The following TNNI3K variants were observed in gnomAD, a reference collection of about 807,000 sequenced individuals.
The protein encoded by TNNI3K is serine/threonine-protein kinase TNNI3K.
In TNNI3K, 140 loss-of-function variants were observed where a neutral mutation model predicts 114.5. The observed-to-expected ratio is 1.22, with a 90% CI of 1.07 to 1.41. The LOEUF is 1.41. Among genes scored for constraint, TNNI3K ranks in the 40% most tolerant of loss-of-function variants. The pLI is 0.00. For missense variants in TNNI3K, 1,125 were observed against 1,007.6 expected (o/e 1.12, Z -1.58); for synonymous variants, 347 against 347.5 (o/e 1.00, Z 0.02).
chr1:74,456,884 G>A (rs1245434278), intron 20 of TNNI3K, among the ~76,000 whole-genome samples: 2 of 152,052 alleles, frequency 1.3e-5, no homozygotes, highest in Non-Finnish European at 2.9e-5. Flanking sequence ...ACTTTTTTAT[G>A]TCACATATGG....
chr1:74,400,837 A>G (rs1232352609), intron 17 of TNNI3K, among the ~76,000 whole-genome samples: 2 of 152,188 alleles, frequency 1.3e-5, no homozygotes, highest in South Asian at 2.1e-4. Flanking sequence ...AGGAACCTCC[A>G]TGAGCTACTA....
At chr1:74,387,559 G>C (rs1663550930) in intron 17 of TNNI3K, among the ~76,000 whole-genome samples, 1 of 152,116 alleles carries the variant, frequency 6.6e-6, no homozygotes, top group Non-Finnish European at 1.5e-5. Flanking sequence ...AAAGCTTTCG[G>C]TATCATTTCT....
chr1:74,353,039 C>G, intron 9 of TNNI3K, among the ~76,000 whole-genome samples: 1 of 152,178 alleles, frequency 6.6e-6, no homozygotes, highest in Non-Finnish European at 1.5e-5. Context: ...CCATCTTCTG[C>G]ATTGCTCATG....
At chr1:74,288,260 C>A (rs757696116) in intron 5 of TNNI3K, among the ~76,000 whole-genome samples, 1 of 152,044 alleles carries the variant, frequency 6.6e-6, no homozygotes. Context: ...TATCTGCATT[C>A]CCATTTTTTA....
rs1002322570 is a variant in TNNI3K at position 74,480,083 on chromosome 1, T to A, written c.2122-9106T>A. ...GGCAACCAAGTGTCTGAGATAAGCA[T>A]CACTTAGCATGCTGCAAAAATATGG... On this transcript the variant is annotated intron_variant, in intron 21 of 24. Transcript: ENST00000326637. The A allele has an allele frequency of 7.8e-6, 5 of 639,880 alleles. No homozygotes were observed. In the South Asian group the frequency reaches 9.3e-5, roughly 12 times the overall value. 39.6% of individuals were successfully genotyped at this position (639,880 alleles called of 1,614,324 possible).
At chr1:74,259,327 C>G (rs1449126996) in intron 4 of TNNI3K, among the ~76,000 whole-genome samples, 1 of 152,126 alleles carries the variant, frequency 6.6e-6, no homozygotes, top group Non-Finnish European at 1.5e-5. Flanking sequence ...TCTAAAGGCC[C>G]AAGAACGAGG....
chr1:74,487,239 G>A (rs189065923), intron 21 of TNNI3K, among the ~76,000 whole-genome samples: 3 of 152,248 alleles, frequency 2.0e-5, no homozygotes, highest in African/African-American at 7.2e-5. Flanking sequence ...AATTATTGCT[G>A]GAGCACACAA....
At chr1:74,261,351 T>C (rs1442489814) in intron 4 of TNNI3K, among the ~76,000 whole-genome samples, 1 of 152,134 alleles carries the variant, frequency 6.6e-6, no homozygotes, top group East Asian at 1.9e-4. Context: ...CTTTGGGTAC[T>C]ATATGTGACA....
At chr1:74,243,370 T>G (rs1202137351) in intron 2 of TNNI3K, among the ~76,000 whole-genome samples, 1 of 152,166 alleles carries the variant, frequency 6.6e-6, no homozygotes, top group Non-Finnish European at 1.5e-5. Context: ...CTGCAATGAA[T>G]AGGCAAGAAG....
At chr1:74,370,424 G>T (rs749945969) in intron 17 of TNNI3K, 32 bp downstream of exon 17, 1 of 1,566,336 alleles carries the variant, frequency 6.4e-7, no homozygotes, top group South Asian at 1.2e-5. Flanking sequence ...AACTCAGAAG[G>T]GTATGACTAA....
At chr1:74,490,949 G>A (rs1443036654) in intron 22 of TNNI3K, among the ~76,000 whole-genome samples, 1 of 152,184 alleles carries the variant, frequency 6.6e-6, no homozygotes, top group Admixed American at 6.5e-5. Flanking sequence ...ATGAATGCTA[G>A]TGGATAATAA....
chr1:74,383,455 C>G (rs992049236), intron 17 of TNNI3K, among the ~76,000 whole-genome samples: 5 of 151,998 alleles, frequency 3.3e-5, no homozygotes, highest in African/African-American at 1.2e-4. Flanking sequence ...CTCTGTGCCC[C>G]TCCTCACACT....
chr1:74,364,514 G>C (rs1262749840), intron 11 of TNNI3K, among the ~76,000 whole-genome samples: 3 of 151,850 alleles, frequency 2.0e-5, no homozygotes, highest in Non-Finnish European at 4.4e-5. Flanking sequence ...CTGTAAGCAG[G>C]CTGCCTTACA....
chr1:74,428,534 A>C (rs1212312490), intron 17 of TNNI3K, among the ~76,000 whole-genome samples: 1 of 152,098 alleles, frequency 6.6e-6, no homozygotes, highest in East Asian at 1.9e-4. Flanking sequence ...ACGTCTAAAA[A>C]ACAGACTTCC....
chr1:74,247,795 G>T (rs1337698331), intron 2 of TNNI3K, among the ~76,000 whole-genome samples: 1 of 152,170 alleles, frequency 6.6e-6, no homozygotes, highest in Non-Finnish European at 1.5e-5. Context: ...AGACATAAAA[G>T]TTCTCCAAGT....
intron 21 of TNNI3K, chr1:74,480,745 G>A (rs1230040120): frequency 1.4e-6 from 1 of 717,506 alleles, no homozygotes; most frequent in Non-Finnish European, 2.6e-6. Context: ...TGTGAAGCTT[G>A]CTGAAGGTGT....
At chr1:74,462,091 TAAATG>T (rs984458705) in intron 20 of TNNI3K, among the ~76,000 whole-genome samples, 3 of 152,250 alleles carry the variant, frequency 2.0e-5, no homozygotes, top group Non-Finnish European at 4.4e-5. Context: ...TGGTTTCTTC[TAAATG>T]ATAACATTTA....
intron 7 of TNNI3K, among the ~76,000 whole-genome samples, chr1:74,337,027 G>T (rs1363286766): frequency 3.7e-4 from 56 of 150,672 alleles, no homozygotes; most frequent in African/African-American, 1.2e-3. Flanking sequence ...TCCTGACTTT[G>T]TAATGATTGC....
At chr1:74,446,515 C>T (rs983417163) in intron 20 of TNNI3K, among the ~76,000 whole-genome samples, 1 of 146,104 alleles carries the variant, frequency 6.8e-6, no homozygotes, top group Non-Finnish European at 1.5e-5. Context: ...ATGGTAGTTT[C>T]TTTTGCTGTG....
Sources: gnomAD v4.1 joint callset for allele counts (sites outside exome capture counted in the v4.1 genomes callset) on GRCh38, gnomAD v4.1.1 for gene constraint, MANE v1.5 for transcripts, NCBI Gene and HGNC (gene_info 2026-07-23, HGNC 2026-07-21) for gene names.